SSR3: variants seen among roughly 807,000 people sequenced by gnomAD.
SSR3 encodes the protein translocon-associated protein subunit gamma.
SSR3 carries 10 observed loss-of-function variants against 22.1 expected under a neutral mutation model. The ratio of observed to expected loss-of-function variants is 0.45; its 90% CI spans 0.28 to 0.77. SSR3 has a LOEUF of 0.77. SSR3 is among the 30% of genes least tolerant of loss of function. The pLI is 0.13. For synonymous variants in SSR3, 104 were observed against 82.5 expected, an observed-to-expected ratio of 1.26 and a Z score of -1.42; for missense variants, 181 against 220.5, an observed-to-expected ratio of 0.82 and a Z score of 1.13.
In SSR3 at chr3:156,554,988, T is replaced by G. The variant is rs1021309107; in HGVS notation, c.102A>C (p.Gly34=). Residue 34 remains glycine (G), a synonymous_variant, in exon 1 of 5, where the codon GGA becomes GGC. Coordinates refer to ENST00000265044, the MANE Select transcript of SSR3 (RefSeq NM_007107.5). ...GGATGGCAGACACGATGAACGCGTTTCCGAAGAAGAGCGCGGAGGACTTGG... is the reference window on the plus strand; with the variant it reads ...GGATGGCAGACACGATGAACGCGTTGCCGAAGAAGAGCGCGGAGGACTTGG... ...LSAKSSALFF[G]NAFIVSAIPI... 1.9e-6 allele frequency: 3 copies of G among 1,614,000 alleles called. No individual in the cohort carries two copies. The East Asian group carries it at 6.7e-5, about 36-fold the overall frequency.
rs1478413267 is a variant in SSR3 at position 156,542,515 on chromosome 3, C to A, written c.*688G>T. 6.6e-6 allele frequency: 1 copy of A among 152,184 alleles called. No individual in the cohort carries two copies. Among genetic ancestry groups the A allele is most frequent in the African/African-American group, 2.4e-5 (1 of 41,426 alleles). The allele number at this position is 152,184 out of a possible 1,614,324, so 9.4% of individuals were successfully genotyped here. A position where few individuals can be genotyped will look rare whatever the true frequency, so the allele number is the denominator to read the frequency against. On this transcript the variant is annotated 3_prime_UTR_variant, in exon 5 of 5. Transcript: ENST00000265044. ...GGCAGGGTCAAGTTGACCTCCCTGG[C>A]CACTCAGGGCCAAAGCCATACAGTG... is the stretch of plus-strand genomic sequence containing the variant.
At position 156,554,787 on chromosome 3, in the gene SSR3, A is replaced by G. The variant is rs1577004951; in HGVS notation, c.133+170T>C. ...CTGCACAGGACAATCCCAAGCGACA[A>G]CACTGTGCCCAAAGAAGAGGCTCCG... On this transcript the variant is annotated intron_variant, in intron 1 of 4. Coordinates refer to ENST00000265044, the MANE Select transcript of SSR3 (RefSeq NM_007107.5). 1.5e-5 allele frequency: 13 copies of G among 841,610 alleles called. No homozygotes were observed. The East Asian group carries it at 3.0e-4, about 19-fold the overall frequency. 52.1% of individuals were successfully genotyped at this position (841,610 alleles called of 1,614,324 possible). A position where few individuals can be genotyped will look rare whatever the true frequency, so the allele number is the denominator to read the frequency against.
rs1332355555 is a variant in SSR3, at chr3:156,540,449, C to CA, written c.*2753dup. 2 of 151,408 alleles carry CA rather than the reference C, an allele frequency of 1.3e-5. No individual in the cohort carries two copies. Among genetic ancestry groups the CA allele is most frequent in the African/African-American group, 2.4e-5 (1 of 41,240 alleles). 9.4% of individuals were successfully genotyped at this position (151,408 alleles called of 1,614,324 possible). A position where few individuals can be genotyped will look rare whatever the true frequency, so the allele number is the denominator to read the frequency against. On this transcript the variant is annotated 3_prime_UTR_variant, in exon 5 of 5. Coordinates refer to ENST00000265044, the MANE Select transcript of SSR3 (RefSeq NM_007107.5). Reference sequence around the variant, plus strand: ...TGAAACCCCGTCTCTACTAAAAATACAAAAAAATTAGCCGGGTGTGGTGGC... The same window carrying CA: ...TGAAACCCCGTCTCTACTAAAAATACAAAAAAAATTAGCCGGGTGTGGTGGC...
intron 1 of SSR3, among the ~76,000 whole-genome samples, chr3:156,554,576 ATAAG>A (rs1446190961): frequency 6.6e-6 from 1 of 152,240 alleles, no homozygotes; most frequent in Non-Finnish European, 1.5e-5. Flanking sequence ...TTTATGCAAA[ATAAG>A]TAATAAGTTT....
In SSR3 at chr3:156,544,571, A is replaced by G. The variant is rs78922932; in HGVS notation, c.360-132T>C. On this transcript the variant is annotated intron_variant, in intron 3 of 4. Coordinates refer to ENST00000265044, the MANE Select transcript of SSR3 (RefSeq NM_007107.5). Reference sequence around the variant, plus strand: ...TCTAGGGTAAGAATGTGTTTGTAATATTAGATTTAGTCAGAATTGTCCCCT... The same window carrying G: ...TCTAGGGTAAGAATGTGTTTGTAATGTTAGATTTAGTCAGAATTGTCCCCT... 1,280 of 642,996 alleles carry G rather than the reference A, an allele frequency of 2.0e-3. 14 individuals are homozygous for G. The African/African-American group carries it at 0.022, about 11-fold the overall frequency. The allele number at this position is 642,996 out of a possible 1,614,324, so 39.8% of individuals were successfully genotyped here. A position where few individuals can be genotyped will look rare whatever the true frequency, so the allele number is the denominator to read the frequency against.
At chr3:156,553,040 TAA>T (rs137859101) in intron 2 of SSR3, among the ~76,000 whole-genome samples, 34 of 136,458 alleles carry the variant, frequency 2.5e-4, no homozygotes, top group Non-Finnish European at 2.7e-4. Context: ...GACAGAGAGT[TAA>T]AAAAAAAAAA....
rs576165838 is a variant in SSR3, at chr3:156,542,249, C to A, written c.*954G>T. 1.3e-5 allele frequency: 2 copies of A among 152,314 alleles called. No individual in the cohort carries two copies. Among genetic ancestry groups the A allele is most frequent in the South Asian group, 2.1e-4 (1 of 4,828 alleles). The allele number at this position is 152,314 out of a possible 1,614,324, so 9.4% of individuals were successfully genotyped here. A position where few individuals can be genotyped will look rare whatever the true frequency, so the allele number is the denominator to read the frequency against. On this transcript the variant is annotated 3_prime_UTR_variant, in exon 5 of 5. Transcript: ENST00000265044. ...ATATCTTGCTCACAATCAATGGGAA[C>A]CTGTGAACTAAAGAGTCAAATGTAT...
intron 2 of SSR3, 78 bp from the exon 3 acceptor site, chr3:156,549,081 A>T: frequency 7.1e-7 from 1 of 1,403,522 alleles, no homozygotes; most frequent in Non-Finnish European, 9.6e-7. Flanking sequence ...AACACACCGT[A>T]CTCATATTTC....
rs1553763092 is a variant in SSR3 at position 156,549,016 on chromosome 3, G to A, written c.261-13C>T. 9 of 1,598,402 alleles carry A rather than the reference G, an allele frequency of 5.6e-6. No individual in the cohort carries two copies. The Admixed American group carries it at 8.9e-5, about 16-fold the overall frequency. On this transcript the variant is annotated splice_polypyrimidine_tract_variant and intron_variant, in intron 2 of 4. Transcript: ENST00000265044. Reference sequence around the variant, plus strand: ...CTTCTGTGCTACTCTGGAAGAAAAAGAAAAAAAGAAAAAGTTTCCATATGC... The same window carrying A: ...CTTCTGTGCTACTCTGGAAGAAAAAAAAAAAAAGAAAAAGTTTCCATATGC...
rs1437341766 is a variant in SSR3, at chr3:156,548,717, C to G, written c.359+188G>C. 1.2e-5 allele frequency: 8 copies of G among 686,340 alleles called. No individual in the cohort carries two copies. In the South Asian group the frequency reaches 1.6e-4, roughly 14 times the overall value. The allele number at this position is 686,340 out of a possible 1,614,324, so 42.5% of individuals were successfully genotyped here. ...GGAATAAATCAACTATTGTACAGCA[C>G]AGATAAAAGTATCTGGTTGTAATAA... On this transcript the variant is annotated intron_variant, in intron 3 of 4. Transcript: ENST00000265044.
chr3:156,554,645 T>C (rs1287416972), intron 1 of SSR3: 3 of 336,586 alleles, frequency 8.9e-6, no homozygotes, highest in Non-Finnish European at 1.7e-5. Context: ...GGCAGTATGC[T>C]TGAGTTTGTC....
chr3:156,555,069 G>C lies in SSR3; in HGVS notation c.21C>G (p.Ser7=). 1 of 1,613,886 alleles carries C rather than the reference G, an allele frequency of 6.2e-7. No homozygotes were observed. Among genetic ancestry groups the C allele is most frequent in the Non-Finnish European group, 8.5e-7 (1 of 1,179,946 alleles). The part of the protein sequence containing the change: MAPKGS[S]KQQSEEDLLL... ...GCAGGTCCTCCTCAGACTGCTGTTTGGAGCTGCCTTTAGGAGCCATGGCGG... is the reference window on the plus strand; with the variant it reads ...GCAGGTCCTCCTCAGACTGCTGTTTCGAGCTGCCTTTAGGAGCCATGGCGG... Residue 7 remains serine, a synonymous_variant, in exon 1 of 5, where the codon TCC becomes TCG. Coordinates refer to ENST00000265044, the MANE Select transcript of SSR3 (RefSeq NM_007107.5).
chr3:156,548,997 T>G lies in SSR3; in HGVS notation c.267A>C (p.Ala89=). 1 of 1,609,146 alleles carries G rather than the reference T, an allele frequency of 6.2e-7. No homozygotes were observed. Among genetic ancestry groups the G allele is most frequent in the Non-Finnish European group, 8.5e-7 (1 of 1,178,996 alleles). The change falls in exon 3 of 5, where the codon GCA becomes GCC. Residue 89 remains alanine, a synonymous_variant. Coordinates refer to ENST00000265044, the MANE Select transcript of SSR3 (RefSeq NM_007107.5). ...TGGAAACAGCATCCTCCCTCTTCTG[T>G]GCTACTCTGGAAGAAAAAGAAAAAA... ...NVKFVLKHKV[A]QKREDAVSKE... is the part of the protein sequence containing the mutation.
intron 3 of SSR3, 77 bp downstream of exon 3, chr3:156,548,828 T>A: frequency 6.4e-7 from 1 of 1,559,540 alleles, no homozygotes; most frequent in South Asian, 1.2e-5. Flanking sequence ...AAAATCCAAA[T>A]TCTTTAAGCA....
At position 156,539,672 on chromosome 3, in the gene SSR3, G is replaced by A. The variant is rs1719351276; in HGVS notation, c.*3531C>T. 6.6e-6 allele frequency among the ~76,000 whole-genome samples: 1 copy of A among 152,052 alleles called. No individual in the cohort carries two copies. Among genetic ancestry groups the A allele is most frequent in the African/African-American group, 2.4e-5 (1 of 41,384 alleles). ...TCCTAATCTATTAATTCCTCTGCTT[G>A]GGAGTCCCAAGGAAGTGAAAGAGAA... On this transcript the variant is annotated 3_prime_UTR_variant, in exon 5 of 5. Coordinates refer to ENST00000265044, the MANE Select transcript of SSR3 (RefSeq NM_007107.5).
In SSR3 at chr3:156,553,652, T is replaced by G. The variant is rs1435582915; in HGVS notation, c.260+3A>C. 1 of 1,610,452 alleles carries G rather than the reference T, an allele frequency of 6.2e-7. No individual in the cohort carries two copies. Among genetic ancestry groups the G allele is most frequent in the Non-Finnish European group, 8.5e-7 (1 of 1,179,514 alleles). The stretch of plus-strand genomic sequence containing the variant: ...CGTACTTTCACTTGAAAAACATACT[T>G]ACTTGTGCTTGAGAACAAATTTCAC... On this transcript the variant is annotated splice_donor_region_variant and intron_variant, in intron 2 of 4. Transcript: ENST00000265044.
chr3:156,552,092 G>A (rs1043989443), intron 2 of SSR3, among the ~76,000 whole-genome samples: 1 of 152,122 alleles, frequency 6.6e-6, no homozygotes. Flanking sequence ...CTTGAGCCCA[G>A]AAGTTCAAGA....
intron 4 of SSR3, chr3:156,544,062 G>C (rs1471463628): frequency 2.5e-6 from 1 of 395,066 alleles, no homozygotes; most frequent in African/African-American, 2.1e-5. Context: ...AAGGAGGCAA[G>C]GACACAGATT....
At chr3:156,549,131 A>G in intron 2 of SSR3, 128 bp from the exon 3 acceptor site, 1 of 1,003,522 alleles carries the variant, frequency 1.0e-6, no homozygotes. Flanking sequence ...TCAAGAAAAG[A>G]AGCTGAGCAG....
Sources: allele counts gnomAD v4.1 joint callset (sites outside exome capture counted in the v4.1 genomes callset), GRCh38; gene constraint gnomAD v4.1.1; transcripts MANE v1.5; gene names NCBI Gene and HGNC (gene_info 2026-07-23, HGNC 2026-07-21).